Variants in EHD2 observed in about 807,000 individuals in gnomAD.
EHD2 encodes EH domain-containing protein 2.
A neutral mutation model predicts 41.0 loss-of-function variants in EHD2; 27 were observed. The observed-to-expected ratio is 0.66, with a 90% CI of 0.49 to 0.91. The LOEUF (loss-of-function observed/expected upper bound fraction) is 0.91, where lower values mean the gene tolerates loss of function less well. Ranked by LOEUF, EHD2 falls within the 40% of genes least tolerant of loss-of-function variation. The pLI, the probability that EHD2 is intolerant of heterozygous loss-of-function variation, is 0.00. For missense variants in EHD2, 673 were observed against 773.9 expected (o/e 0.87, Z 1.55); for synonymous variants, 342 against 341.0 (o/e 1.00, Z -0.03).
At chr19:47,723,238 A>G (rs1332889302) in intron 3 of EHD2, among the ~76,000 whole-genome samples, 1 of 152,220 alleles carries the variant, frequency 6.6e-6, no homozygotes, top group East Asian at 1.9e-4. Flanking sequence ...GCCTCCACAC[A>G]CACAGCAGGG....
chr19:47,723,682 AT>A (rs11309367), intron 3 of EHD2, among the ~76,000 whole-genome samples: 21,832 of 128,924 alleles, frequency 0.17, 2,006 homozygotes, highest in African/African-American at 0.24. Flanking sequence ...AAGCTCAACC[AT>A]TTTTTTTTTT....
chr19:47,715,093 G>A (rs1973612342), intron 1 of EHD2, among the ~76,000 whole-genome samples: 1 of 147,544 alleles, frequency 6.8e-6, no homozygotes, highest in Non-Finnish European at 1.5e-5. Flanking sequence ...AGAAAGAAAA[G>A]CAAAGCAAAG....
chr19:47,731,024 A>G (rs1234107822), intron 4 of EHD2, among the ~76,000 whole-genome samples: 1 of 151,468 alleles, frequency 6.6e-6, no homozygotes, highest in African/African-American at 2.4e-5. Context: ...ACTATTTTAG[A>G]GCGCTCTGAA....
At position 47,725,862 on chromosome 19, in the gene EHD2, A is replaced by T; in HGVS notation, c.553A>T (p.Ile185Phe). ...LRWFAERVDL[I>F]ILLFDAHKLE... ...CTGGTTCGCGGAGCGCGTGGACCTC[A>T]TCATCCTGCTCTTTGATGCGCACAA... Residue 185 changes from isoleucine to phenylalanine, a missense_variant, in exon 4 of 6, where the codon ATC becomes TTC. By Grantham distance (21) the Ile-to-Phe change is conservative (BLOSUM62 0). Transcript: ENST00000263277. The T allele has an allele frequency of 6.2e-7, 1 of 1,611,738 alleles. No individual in the cohort carries two copies. Among genetic ancestry groups the T allele is most frequent in the African/African-American group, 1.3e-5 (1 of 74,978 alleles).
rs1370133856 is a variant in EHD2 at position 47,725,883 on chromosome 19, C to T, written c.574C>T (p.His192Tyr). The change falls in exon 4 of 6, where the codon CAC becomes TAC. Residue 192 changes from histidine to tyrosine, a missense_variant. Physicochemically the swap from His to Tyr is moderately conservative, Grantham distance 83 (BLOSUM62 2). Transcript: ENST00000263277. ...VDLIILLFDAHKLEISDEFSE... is the reference protein window; with the variant it reads ...VDLIILLFDAYKLEISDEFSE... The stretch of plus-strand genomic sequence containing the variant: ...CCTCATCATCCTGCTCTTTGATGCG[C>T]ACAAGCTGGAGATCTCGGACGAGTT... The T allele has an allele frequency of 6.2e-7, 1 of 1,613,528 alleles. No individual in the cohort carries two copies. Among genetic ancestry groups the T allele is most frequent in the Non-Finnish European group, 8.5e-7 (1 of 1,179,608 alleles).
chr19:47,723,639 G>T (rs1973719884), intron 3 of EHD2, among the ~76,000 whole-genome samples: 1 of 138,734 alleles, frequency 7.2e-6, no homozygotes. Flanking sequence ...CTGGGCGACA[G>T]CGAGACTCCG....
chr19:47,736,045 A>C (rs996241652), intron 4 of EHD2, among the ~76,000 whole-genome samples: 2 of 152,082 alleles, frequency 1.3e-5, no homozygotes, highest in Non-Finnish European at 2.9e-5. Flanking sequence ...AAAATACAAA[A>C]ATTAGCTGGG....
At chr19:47,718,028 T>C (rs1294813289) in intron 2 of EHD2, among the ~76,000 whole-genome samples, 2 of 150,668 alleles carry the variant, frequency 1.3e-5, no homozygotes, top group Admixed American at 1.3e-4. Context: ...ATCCCAGCAC[T>C]TTGGGAGGCT....
rs189539056 is a variant in EHD2 at position 47,717,517 on chromosome 19, C to T, written c.404+501C>T. ...AGGGGAGCACCTAGGCTAGTGAAGT[C>T]AGTATGCCTGGTTCAAATCCCGGCC... is the stretch of plus-strand genomic sequence containing the variant. On this transcript the variant is annotated intron_variant, in intron 2 of 5. Coordinates refer to ENST00000263277, the MANE Select transcript of EHD2 (RefSeq NM_014601.4). Among the ~76,000 whole-genome samples, 369 of 152,314 alleles carry T rather than the reference C, an allele frequency of 2.4e-3. 2 individuals carry two copies. Among genetic ancestry groups the T allele is most frequent in the Non-Finnish European group, 6.2e-4 (42 of 68,040 alleles).
At chr19:47,736,211 G>C (rs1235123449) in intron 4 of EHD2, among the ~76,000 whole-genome samples, 158 bp from the exon 5 acceptor site, 2 of 151,680 alleles carry the variant, frequency 1.3e-5, no homozygotes, top group African/African-American at 4.9e-5. Flanking sequence ...AAAAAAAAGA[G>C]AGAGAGAGAG....
rs545029027 is a variant in EHD2 at position 47,726,558 on chromosome 19, C to T, written c.915+334C>T. Among the ~76,000 whole-genome samples, 7 of 123,310 alleles carry T rather than the reference C, an allele frequency of 5.7e-5. No individual in the cohort carries two copies. In the South Asian group the frequency reaches 1.7e-3, roughly 30 times the overall value. 80.9% of individuals were successfully genotyped at this position (123,310 alleles called of 152,430 possible). A position where few individuals can be genotyped will look rare whatever the true frequency, so the allele number is the denominator to read the frequency against. On this transcript the variant is annotated intron_variant, in intron 4 of 5. Coordinates refer to ENST00000263277, the MANE Select transcript of EHD2 (RefSeq NM_014601.4). Reference sequence around the variant, plus strand: ...TCCTCCTCCTCCTCTTCTTCTCCCTCCTCCTCCTCCTTCTTCTCTTTCTTC... The same window carrying T: ...TCCTCCTCCTCCTCTTCTTCTCCCTTCTCCTCCTCCTTCTTCTCTTTCTTC...
Position 47,742,312 on chromosome 19 carries a change from G to C in EHD2, c.*880G>C, listed in dbSNP as rs1052584196. On this transcript the variant is annotated 3_prime_UTR_variant, in exon 6 of 6. Transcript: ENST00000263277. Reference sequence around the variant, plus strand: ...TTTTTTGATAGAATCTTGCTCTGTCGCCCAGGCTGGAGTGCAGTGGTGAGA... The same window carrying C: ...TTTTTTGATAGAATCTTGCTCTGTCCCCCAGGCTGGAGTGCAGTGGTGAGA... 1 of 260,072 alleles carries C rather than the reference G, an allele frequency of 3.8e-6. No individual in the cohort carries two copies. The highest frequency in any genetic ancestry group is 7.4e-6 in the Non-Finnish European group (1 of 134,436). 16.1% of individuals were successfully genotyped at this position (260,072 alleles called of 1,614,324 possible). A position where few individuals can be genotyped will look rare whatever the true frequency, so the allele number is the denominator to read the frequency against.
rs1413817791 is a variant in EHD2 at position 47,742,206 on chromosome 19, T to G, written c.*774T>G. The G allele has an allele frequency of 6.1e-6, 2 of 328,944 alleles. No homozygotes were observed. The highest frequency in any genetic ancestry group is 1.2e-5 in the Non-Finnish European group (2 of 170,734). 20.4% of individuals were successfully genotyped at this position (328,944 alleles called of 1,614,324 possible). On this transcript the variant is annotated 3_prime_UTR_variant, in exon 6 of 6. Transcript: ENST00000263277. ...CCAATTCTGCCCATACCCATTTCTTTCTTTCCTTCCTTCCTTCTTTTTTGT... is the reference window on the plus strand; with the variant it reads ...CCAATTCTGCCCATACCCATTTCTTGCTTTCCTTCCTTCCTTCTTTTTTGT...
chr19:47,721,320 CT>C (rs961360178), intron 3 of EHD2, among the ~76,000 whole-genome samples: 139 of 145,924 alleles, frequency 9.5e-4, no homozygotes, highest in Admixed American at 9.0e-4. Context: ...TGTTATGCTA[CT>C]TTTTTTTTTT....
rs1485776630 is a variant in EHD2 at position 47,726,067 on chromosome 19, A to G, written c.758A>G (p.Tyr253Cys). 1.9e-6 allele frequency: 3 copies of G among 1,582,276 alleles called. No homozygotes were observed. The highest frequency in any genetic ancestry group is 2.3e-5 in the East Asian group (1 of 42,980). Residue 253 changes from tyrosine (Y) to cysteine (C), a missense_variant, in exon 4 of 6, where the codon TAC becomes TGC. Physicochemically the swap from Tyr to Cys is radical, Grantham distance 194. Coordinates refer to ENST00000263277, the MANE Select transcript of EHD2 (RefSeq NM_014601.4). ...GGCACGCCCGAGGTGCTGCGCGTCT[A>G]CATCGGCTCCTTCTGGTCCCAGCCC... ...VVGTPEVLRV[Y>C]IGSFWSQPLL... is the part of the protein sequence containing the mutation.
intron 4 of EHD2, among the ~76,000 whole-genome samples, chr19:47,730,006 A>C (rs1973791739): frequency 1.3e-5 from 2 of 149,414 alleles, no homozygotes; most frequent in African/African-American, 2.5e-5. Flanking sequence ...TCTTGCTTAG[A>C]CTCCCCCAGG....
intron 3 of EHD2, among the ~76,000 whole-genome samples, chr19:47,723,711 C>T (rs1031764336): frequency 1.3e-5 from 2 of 148,246 alleles, no homozygotes; most frequent in Non-Finnish European, 3.0e-5. Context: ...CAAGGTCTTG[C>T]TCTGTCTGCA....
In EHD2 at chr19:47,726,241, G is replaced by T. The variant is rs1319241269; in HGVS notation, c.915+17G>T. On this transcript the variant is annotated intron_variant, in intron 4 of 5. Coordinates refer to ENST00000263277, the MANE Select transcript of EHD2 (RefSeq NM_014601.4). ...CTGGTGCGAGTGAGTAGTCCTGAGGGCTGGGCGCGCATTCTTGGAGGAGGT... is the reference window on the plus strand; with the variant it reads ...CTGGTGCGAGTGAGTAGTCCTGAGGTCTGGGCGCGCATTCTTGGAGGAGGT... 4 of 1,468,158 alleles carry T rather than the reference G, an allele frequency of 2.7e-6. No individual in the cohort carries two copies. In the African/African-American group the frequency reaches 5.7e-5, roughly 21 times the overall value. The allele number at this position is 1,468,158 out of a possible 1,614,324, so 90.9% of individuals were successfully genotyped here. A position where few individuals can be genotyped will look rare whatever the true frequency, so the allele number is the denominator to read the frequency against.
Position 47,741,189 on chromosome 19 carries a change from C to T in EHD2, c.1389C>T (p.Ala463=), listed in dbSNP as rs745883754. ...AGATCTTCTACAACCTGGCGCCTGC[C>T]GACGGCAAGCTGAGCGGCTCCAAGG... ...YDEIFYNLAP[A]DGKLSGSKAK... The change falls in exon 6 of 6, where the codon GCC becomes GCT. Residue 463 remains alanine, a synonymous_variant. Transcript: ENST00000263277. The surrounding 1 kb of genome is among the most constrained non-coding windows in gnomAD (Gnocchi z 4.5). The T allele has an allele frequency of 1.7e-5, 27 of 1,613,880 alleles. No individual in the cohort carries two copies. In the Middle Eastern group the frequency reaches 4.9e-4, roughly 29 times the overall value.
Sources: allele counts gnomAD v4.1 joint callset (sites outside exome capture counted in the v4.1 genomes callset), GRCh38; gene constraint gnomAD v4.1.1; non-coding constraint Gnocchi (gnomAD v3.1); transcripts MANE v1.5; gene names NCBI Gene and HGNC (gene_info 2026-07-23, HGNC 2026-07-21).